TMEM132D: variants seen among roughly 807,000 people sequenced by gnomAD.
The protein encoded by TMEM132D is transmembrane protein 132D.
A neutral mutation model predicts 62.3 loss-of-function variants in TMEM132D; 21 were observed. That is an observed-to-expected ratio of 0.34 (90% CI 0.24 to 0.49). TMEM132D has a LOEUF of 0.49. Among genes scored for constraint, TMEM132D ranks in the 20% least tolerant of loss-of-function variants. The pLI, the probability that TMEM132D is intolerant of heterozygous loss-of-function variation, is 0.99. For missense variants in TMEM132D, 1,346 were observed against 1,402.8 expected (o/e 0.96, Z 0.65); for synonymous variants, 621 against 575.6 (o/e 1.08, Z -1.13).
chr12:129,573,143 G>A (rs1267533718), intron 2 of TMEM132D, among the ~76,000 whole-genome samples: 2 of 152,172 alleles, frequency 1.3e-5, no homozygotes, highest in African/African-American at 4.8e-5. Context: ...GGCAGCCATG[G>A]AGACCCTGCG....
intron 1 of TMEM132D, among the ~76,000 whole-genome samples, chr12:129,824,461 T>C (rs889148331): frequency 3.3e-5 from 5 of 152,040 alleles, no homozygotes; most frequent in Non-Finnish European, 7.4e-5. Context: ...AGAATTCCTA[T>C]GTTGAAGCCC....
At chr12:129,741,949 C>G (rs1869623230) in intron 1 of TMEM132D, among the ~76,000 whole-genome samples, 1 of 152,148 alleles carries the variant, frequency 6.6e-6, no homozygotes, top group Non-Finnish European at 1.5e-5. Context: ...AAAGCTGAAT[C>G]TAGGTCCATG....
chr12:129,433,325 A>G (rs762898431), intron 3 of TMEM132D, among the ~76,000 whole-genome samples: 12 of 152,242 alleles, frequency 7.9e-5, no homozygotes, highest in Non-Finnish European at 1.6e-4. Flanking sequence ...CTTAGTAATT[A>G]TTACCAAACA....
rs7307678 is a variant in TMEM132D at position 129,538,282 on chromosome 12, C to T, written c.969-7077G>A. ...AATTTAGTCATCATTCTTCTGTGTA[C>T]GTTTCCACACCCAGTCTATAATTTT... On this transcript the variant is annotated intron_variant, in intron 2 of 8. Transcript: ENST00000422113. Among the ~76,000 whole-genome samples the T allele has an allele frequency of 5.8e-3, 888 of 152,352 alleles. 15 individuals carry two copies. The highest frequency in any genetic ancestry group is 0.02 in the African/African-American group (845 of 41,558).
Position 129,074,511 on chromosome 12 carries a change from G to A in TMEM132D, c.2664C>T (p.Phe888=), listed in dbSNP as rs746146649. The A allele has an allele frequency of 6.2e-7, 1 of 1,614,096 alleles. No homozygotes were observed. Among genetic ancestry groups the A allele is most frequent in the South Asian group, 1.1e-5 (1 of 91,072 alleles). Residue 888 remains phenylalanine, a synonymous_variant, in exon 9 of 9, where the codon TTC becomes TTT. Transcript: ENST00000422113. The part of the protein sequence containing the change: ...LQTIPSDLTS[F]PAQVDLPRSN... ...TTCTGGGGAGGTCCACCTGGGCTGG[G>A]AAGCTGGTGAGGTCGCTGGGGATGG...
At chr12:129,631,964 CA>C (rs772832090) in intron 2 of TMEM132D, among the ~76,000 whole-genome samples, 36 of 152,152 alleles carry the variant, frequency 2.4e-4, no homozygotes, top group Non-Finnish European at 4.3e-4. Flanking sequence ...ACACACAAAA[CA>C]GGACCTATTC....
At chr12:129,738,056 G>T (rs931898384) in intron 1 of TMEM132D, among the ~76,000 whole-genome samples, 1 of 152,232 alleles carries the variant, frequency 6.6e-6, no homozygotes, top group South Asian at 2.1e-4. Context: ...GCACCATATT[G>T]ATTGGCCATT....
chr12:129,806,709 TAAAAATA>T (rs1464241254), intron 1 of TMEM132D, among the ~76,000 whole-genome samples: 1 of 150,958 alleles, frequency 6.6e-6, no homozygotes, highest in African/African-American at 2.4e-5. Flanking sequence ...AAGAAAAAAA[TAAAAATA>T]AAAAATAAAA....
chr12:129,262,113 C>G (rs1398299384), intron 4 of TMEM132D, among the ~76,000 whole-genome samples: 2 of 152,018 alleles, frequency 1.3e-5, no homozygotes, highest in Non-Finnish European at 2.9e-5. Flanking sequence ...CCCTTGGATG[C>G]CCCTGCCTGT....
chr12:129,780,714 T>C (rs1032487468), intron 1 of TMEM132D, among the ~76,000 whole-genome samples: 18 of 152,294 alleles, frequency 1.2e-4, no homozygotes, highest in African/African-American at 3.6e-4. Flanking sequence ...AAGCCCCCTG[T>C]ACCTGCTGCA....
At chr12:129,333,873 C>T (rs1184984099) in intron 4 of TMEM132D, among the ~76,000 whole-genome samples, 1 of 152,192 alleles carries the variant, frequency 6.6e-6, no homozygotes, top group Non-Finnish European at 1.5e-5. Context: ...GTAATTCCAG[C>T]ACTTTGGGAA....
intron 5 of TMEM132D, among the ~76,000 whole-genome samples, chr12:129,203,188 C>G (rs1162727878): frequency 6.6e-6 from 1 of 152,200 alleles, no homozygotes; most frequent in African/African-American, 2.4e-5. Flanking sequence ...TGAACTGTAA[C>G]TAACCCGGCT....
chr12:129,776,541 G>A (rs1038960665), intron 1 of TMEM132D, among the ~76,000 whole-genome samples: 28 of 151,764 alleles, frequency 1.8e-4, no homozygotes, highest in African/African-American at 6.0e-4. Flanking sequence ...GGAAAAAGCC[G>A]AATATTCACC....
intron 5 of TMEM132D, among the ~76,000 whole-genome samples, chr12:129,169,056 A>G (rs1877643174): frequency 6.6e-6 from 1 of 152,174 alleles, no homozygotes; most frequent in Admixed American, 6.5e-5. Context: ...TTTTACCCAA[A>G]TAGCATTTTC....
chr12:129,270,018 A>C (rs1442485750), intron 4 of TMEM132D, among the ~76,000 whole-genome samples: 1 of 152,098 alleles, frequency 6.6e-6, no homozygotes, highest in Non-Finnish European at 1.5e-5. Flanking sequence ...CAAGCGAGCC[A>C]CTCGGGAAAA....
At position 129,700,197 on chromosome 12, in the gene TMEM132D, G is replaced by A. The variant is rs2137226396; in HGVS notation, c.581C>T (p.Ala194Val). The change falls in exon 2 of 9, where the codon GCC (alanine) becomes GTC (valine). Residue 194 changes from alanine to valine, a missense_variant. By Grantham distance (64) the Ala-to-Val change is moderately conservative. Transcript: ENST00000422113. ...CCAGCTGGACAGGAGCTCCAGCTCG[G>A]CCACGCACAGCCCCAGGTCCCCCTG... Reference protein sequence around the residue: ...RLQGDLGLCVAELELLSSWFS... With the variant: ...RLQGDLGLCVVELELLSSWFS... The A allele has an allele frequency of 2.5e-6, 4 of 1,612,836 alleles. No individual in the cohort carries two copies. The highest frequency in any genetic ancestry group is 3.4e-6 in the Non-Finnish European group (4 of 1,179,942).
intron 2 of TMEM132D, among the ~76,000 whole-genome samples, chr12:129,684,917 G>A (rs111310241): frequency 6.6e-6 from 1 of 152,256 alleles, no homozygotes; most frequent in African/African-American, 2.4e-5. Context: ...TGTGGATTGA[G>A]AGATTGAAAT....
intron 5 of TMEM132D, among the ~76,000 whole-genome samples, chr12:129,204,680 C>T (rs755765340): frequency 1.3e-5 from 2 of 152,192 alleles, no homozygotes; most frequent in Admixed American, 1.3e-4. Context: ...TGTAGAGCAC[C>T]CCTGTGAGAT....
At chr12:129,588,964 G>T (rs1878115772) in intron 2 of TMEM132D, among the ~76,000 whole-genome samples, 1 of 151,898 alleles carries the variant, frequency 6.6e-6, no homozygotes, top group African/African-American at 2.4e-5. Context: ...TACACAATCT[G>T]GGGTTTAAAA....
Sources: gnomAD v4.1 joint callset for allele counts (sites outside exome capture counted in the v4.1 genomes callset) on GRCh38, gnomAD v4.1.1 for gene constraint, MANE v1.5 for transcripts, NCBI Gene and HGNC (gene_info 2026-07-23, HGNC 2026-07-21) for gene names.